Variants in CAPS2 observed in about 807,000 individuals in gnomAD.
The protein encoded by CAPS2 is calcyphosin-2.
Under a neutral mutation model 86.5 loss-of-function variants are expected in CAPS2, and 98 were observed. The observed-to-expected ratio is 1.13, with a 90% confidence interval of 0.96 to 1.34. The LOEUF (loss-of-function observed/expected upper bound fraction) is 1.34, where lower values mean the gene tolerates loss of function less well. Ranked by LOEUF, CAPS2 falls within the 40% of genes most tolerant of loss-of-function variation. The probability of loss-of-function intolerance (pLI) is 0.00; values close to 1 mark genes in which losing one functional copy is unlikely to be tolerated. For synonymous variants in CAPS2, 210 were observed against 225.1 expected, an observed-to-expected ratio of 0.93 and a Z score of 0.60; for missense variants, 729 against 686.8, an observed-to-expected ratio of 1.06 and a Z score of -0.69.
At chr12:75,328,907 C>T (rs2041038700), upstream of CAPS2, among the ~76,000 whole-genome samples, 1 of 152,166 alleles carries the variant, frequency 6.6e-6, no homozygotes, top group Non-Finnish European at 1.5e-5. Context: ...AGGGCAATGC[C>T]GTCATACATG....
intron 6 of CAPS2, among the ~76,000 whole-genome samples, chr12:75,315,762 T>A (rs2039693537): frequency 6.6e-6 from 1 of 152,158 alleles, no homozygotes; most frequent in South Asian, 2.1e-4. Flanking sequence ...GACCTCCAAC[T>A]CCAAGCAGCT....
chr12:75,369,937 A>G (rs758834433), intron 1 of CAPS2: 19 of 1,210,834 alleles, frequency 1.6e-5, no homozygotes, highest in South Asian at 1.6e-5. Context: ...ATTTTATAAT[A>G]TTAACTTTAA....
chr12:75,370,291 T>C, intron 1 of CAPS2: 1 of 582,810 alleles, frequency 1.7e-6, no homozygotes. Context: ...TCTTGCCTGA[T>C]ACCTAAATTT....
intron 9 of CAPS2, among the ~76,000 whole-genome samples, chr12:75,299,298 A>G (rs537225984): frequency 2.0e-5 from 3 of 152,318 alleles, no homozygotes; most frequent in Admixed American, 1.3e-4. Flanking sequence ...ATAGATACAA[A>G]TTTATTATCT....
chr12:75,283,125 T>C (rs965189815), intron 15 of CAPS2, among the ~76,000 whole-genome samples: 2 of 152,250 alleles, frequency 1.3e-5, no homozygotes, highest in Non-Finnish European at 2.9e-5. Flanking sequence ...ATGAGTTATG[T>C]TACTCTATTT....
chr12:75,311,807 C>T (rs996566595), intron 7 of CAPS2, among the ~76,000 whole-genome samples: 1 of 143,260 alleles, frequency 7.0e-6, no homozygotes, highest in Non-Finnish European at 1.5e-5. Context: ...TAAACGAGAA[C>T]TGAGAAATCA....
intron 8 of CAPS2, among the ~76,000 whole-genome samples, chr12:75,301,648 CA>C (rs1384459786): frequency 6.6e-6 from 1 of 152,042 alleles, no homozygotes; most frequent in African/African-American, 2.4e-5. Flanking sequence ...GTAAATTGTC[CA>C]GGGCCATATG....
intron 1 of CAPS2, among the ~76,000 whole-genome samples, chr12:75,356,982 T>A (rs961338664): frequency 6.6e-6 from 1 of 151,888 alleles, no homozygotes; most frequent in Non-Finnish European, 1.5e-5. Context: ...AGGCAAGAAA[T>A]TCAAGACCAG....
At chr12:75,337,536 A>C (rs2041820575) in intron 1 of CAPS2, among the ~76,000 whole-genome samples, 1 of 151,970 alleles carries the variant, frequency 6.6e-6, no homozygotes, top group Non-Finnish European at 1.5e-5. Flanking sequence ...ATTTTATAAA[A>C]TTGACACAAT....
At chr12:75,372,266 G>C (rs1016560343) in intron 1 of CAPS2, among the ~76,000 whole-genome samples, 1 of 152,108 alleles carries the variant, frequency 6.6e-6, no homozygotes, top group African/African-American at 2.4e-5. Context: ...ACCTGCCTCA[G>C]CTTCCCAAAG....
downstream of CAPS2, chr12:75,276,498 C>T (rs1300112776): frequency 3.1e-6 from 3 of 972,208 alleles, no homozygotes; most frequent in Admixed American, 1.9e-4. Flanking sequence ...GTCGCTGGTT[C>T]ATTAGCACAT....
chr12:75,377,877 C>A (rs1460895823), intron 1 of CAPS2, among the ~76,000 whole-genome samples: 3 of 145,080 alleles, frequency 2.1e-5, no homozygotes, highest in South Asian at 2.2e-4. Flanking sequence ...GTGTGTGTGT[C>A]TATATATATA....
At chr12:75,302,637 G>A (rs562044592) in intron 8 of CAPS2, among the ~76,000 whole-genome samples, 7 of 152,140 alleles carry the variant, frequency 4.6e-5, no homozygotes, top group South Asian at 2.1e-4. Context: ...AGATATGTGC[G>A]ACAAATATAG....
exon 13 of CAPS2, chr12:75,291,799 C>T (rs769042371): frequency 3.2e-6 from 5 of 1,554,640 alleles, no homozygotes; most frequent in Non-Finnish European, 2.6e-6. Context: ...TTATATCATC[C>T]TCCTGTTCCA....
intron 15 of CAPS2, 94 bp from the exon 16 acceptor site, chr12:75,282,441 C>T: frequency 1.2e-6 from 1 of 801,470 alleles, no homozygotes; most frequent in Non-Finnish European, 2.2e-6. Flanking sequence ...GACTGGAGTG[C>T]AATGGCGTGA....
intron 1 of CAPS2, among the ~76,000 whole-genome samples, chr12:75,383,869 T>C (rs1332480954): frequency 1.3e-5 from 2 of 152,092 alleles, no homozygotes; most frequent in African/African-American, 4.8e-5. Context: ...AGTAACAGAA[T>C]GATAACCATA....
At chr12:75,357,161 G>A (rs1357869561) in intron 1 of CAPS2, among the ~76,000 whole-genome samples, 1 of 152,162 alleles carries the variant, frequency 6.6e-6, no homozygotes, top group African/African-American at 2.4e-5. Flanking sequence ...CTGTACTCCA[G>A]CCTGGGAAAC....
upstream of CAPS2, chr12:75,330,027 G>GGACAGTCTA (rs2041157347): frequency 1.7e-6 from 1 of 602,416 alleles, no homozygotes. Flanking sequence ...GCTTTAGACA[G>GGACAGTCTA]GACAGTCTAG....
chr12:75,314,060 C>T (rs918061403), intron 6 of CAPS2, among the ~76,000 whole-genome samples: 3 of 152,114 alleles, frequency 2.0e-5, no homozygotes, highest in African/African-American at 7.2e-5. Context: ...ACTGGGACTA[C>T]AGGTGTATGC....
Sources: gnomAD v4.1 joint callset for allele counts (sites outside exome capture counted in the v4.1 genomes callset) on GRCh38, gnomAD v4.1.1 for gene constraint, MANE v1.5 for transcripts, NCBI Gene and HGNC (gene_info 2026-07-23, HGNC 2026-07-21) for gene names.